The following MDC1 variants were observed in gnomAD, a reference collection of about 807,000 sequenced individuals.
MDC1 encodes mediator of DNA damage checkpoint 1.
A neutral mutation model predicts 142.5 loss-of-function variants in MDC1; 81 were observed. That is an observed-to-expected ratio of 0.57 (90% CI 0.47 to 0.68). The LOEUF is 0.68. MDC1 is among the 30% of genes least tolerant of loss of function. The probability of loss-of-function intolerance (pLI) is 0.00; values close to 1 mark genes in which losing one functional copy is unlikely to be tolerated. For synonymous variants in MDC1, 797 were observed against 968.4 expected (o/e 0.82, Z 3.29); for missense variants, 2,119 against 2,547.9 (o/e 0.83, Z 3.62).
chr6:30,700,902 CAAAAAAAA>C (rs9281018), intron 14 of MDC1, among the ~76,000 whole-genome samples: 7 of 70,558 alleles, frequency 9.9e-5, no homozygotes, highest in African/African-American at 1.2e-4. Context: ...ACTAAAAATA[CAAAAAAAA>C]AAAAAAAAAA....
chr6:30,713,431 G>A lies in MDC1; in HGVS notation c.588-77C>T. 1.4e-6 allele frequency: 2 copies of A among 1,432,976 alleles called. No individual in the cohort carries two copies. The highest frequency in any genetic ancestry group is 1.9e-6 in the Non-Finnish European group (2 of 1,071,464). 88.8% of individuals were successfully genotyped at this position (1,432,976 alleles called of 1,614,324 possible). On this transcript the variant is annotated intron_variant, in intron 4 of 14. Transcript: ENST00000376406. The surrounding 1 kb of genome is among the most constrained non-coding windows in gnomAD (Gnocchi z 4.9). Reference sequence around the variant, plus strand: ...ACCCCAACTCAACTGTGAGCTCCTTGAGGGGAGACACAAGGTAGCATATTT... The same window carrying A: ...ACCCCAACTCAACTGTGAGCTCCTTAAGGGGAGACACAAGGTAGCATATTT...
intron 7 of MDC1, among the ~76,000 whole-genome samples, chr6:30,711,178 C>T (rs1243135347): frequency 1.3e-5 from 2 of 152,150 alleles, no homozygotes; most frequent in African/African-American, 4.8e-5. Flanking sequence ...AGTTTGTGAC[C>T]AGCCTGGCCA....
Position 30,700,599 on chromosome 6 carries a change from A to C in MDC1, c.6136T>G (p.Phe2046Val). ...CGTAGTGGAATGGAGCAATGAGGGA[A>C]GTCCTGAGGGCATGTGATCACAACT... ...QRVVITCPQD[F>V]PHCSIPLRVG... The change falls in exon 15 of 15, where the codon TTC becomes GTC. Residue 2046 changes from phenylalanine to valine, a missense_variant. Coordinates refer to ENST00000376406, the MANE Select transcript of MDC1 (RefSeq NM_014641.3). 6.2e-7 allele frequency: 1 copy of C among 1,613,008 alleles called. No homozygotes were observed. Among genetic ancestry groups the C allele is most frequent in the South Asian group, 1.1e-5 (1 of 91,082 alleles).
At position 30,715,618 on chromosome 6, in the gene MDC1, C is replaced by G. The variant is rs1775552384; in HGVS notation, c.-3-440G>C. 1.3e-5 allele frequency among the ~76,000 whole-genome samples: 2 copies of G among 152,164 alleles called. No homozygotes were observed. The highest frequency in any genetic ancestry group is 2.4e-5 in the African/African-American group (1 of 41,440). ...CCTCCCAAAGTGCTGGGATTACAGG[C>G]GTGAGCCACTGCGCCCCGTTGTTTT... On this transcript the variant is annotated intron_variant, in intron 1 of 14. Transcript: ENST00000376406. This position sits in a 1 kb window ranked among gnomAD's most constrained non-coding sequence, Gnocchi z 4.1.
In MDC1 at chr6:30,712,422, C is replaced by T; in HGVS notation, c.1520G>A (p.Gly507Glu). 1 of 1,613,002 alleles carries T rather than the reference C, an allele frequency of 6.2e-7. No individual in the cohort carries two copies. The highest frequency in any genetic ancestry group is 8.5e-7 in the Non-Finnish European group (1 of 1,179,990). The change falls in exon 5 of 15, where the codon GGG becomes GAG. Residue 507 changes from glycine to glutamate, a missense_variant. Coordinates refer to ENST00000376406, the MANE Select transcript of MDC1 (RefSeq NM_014641.3). The surrounding 1 kb of genome is among the most constrained non-coding windows in gnomAD (Gnocchi z 4.7). The stretch of plus-strand genomic sequence containing the variant: ...GGCTTGGCTTCTCTCCAGGTGGATC[C>T]CAGGTGAGCTCTTATCTGCTTCCAC... ...DSVEADKSSP[G>E]IHLERSQAST...
rs767500271 is a variant in MDC1 at position 30,700,432 on chromosome 6, C to T, written c.*33G>A. On this transcript the variant is annotated 3_prime_UTR_variant, in exon 15 of 15. Coordinates refer to ENST00000376406, the MANE Select transcript of MDC1 (RefSeq NM_014641.3). Reference sequence around the variant, plus strand: ...TCTTTCTTCCACATATCTTCTAATTCGTGGTCTGGGAGGGAAAAGGGTAGT... The same window carrying T: ...TCTTTCTTCCACATATCTTCTAATTTGTGGTCTGGGAGGGAAAAGGGTAGT... 20 of 1,587,926 alleles carry T rather than the reference C, an allele frequency of 1.3e-5. No individual in the cohort carries two copies. Among genetic ancestry groups the T allele is most frequent in the East Asian group, 2.3e-5 (1 of 44,414 alleles).
At chr6:30,714,235 T>C (rs767565911) in intron 2 of MDC1, 52 bp from the exon 3 acceptor site, 1 of 1,537,340 alleles carries the variant, frequency 6.5e-7, no homozygotes, top group Admixed American at 2.0e-5. Flanking sequence ...TGGCCTGTCA[T>C]TAGGAAAAAG....
intron 9 of MDC1, 37 bp downstream of exon 9, chr6:30,707,346 TG>T: frequency 6.3e-7 from 1 of 1,583,768 alleles, no homozygotes; most frequent in Non-Finnish European, 8.7e-7. Context: ...GATATAGAGA[TG>T]ACTTGTGGAA....
Position 30,714,192 on chromosome 6 carries a change from TAG to T in MDC1, c.137-11_137-10del, listed in dbSNP as rs1416517483. 6.3e-7 allele frequency: 1 copy of T among 1,599,084 alleles called. No individual in the cohort carries two copies. Among genetic ancestry groups the T allele is most frequent in the Non-Finnish European group, 8.5e-7 (1 of 1,176,792 alleles). ...GAGGTGTAGTGGGAAATCTAAGAATTAGAGAGGTAGATAAGCTCCAAGATCAG... is the reference window on the plus strand; with the variant it reads ...GAGGTGTAGTGGGAAATCTAAGAATTAGAGGTAGATAAGCTCCAAGATCAG... On this transcript the variant is annotated splice_polypyrimidine_tract_variant and intron_variant, in intron 2 of 14. Coordinates refer to ENST00000376406, the MANE Select transcript of MDC1 (RefSeq NM_014641.3).
At chr6:30,706,848 C>T (rs9295908) in intron 9 of MDC1, among the ~76,000 whole-genome samples, 7,344 of 151,566 alleles carry the variant, frequency 0.048, 347 homozygotes, top group African/African-American at 0.12. Context: ...GCCTGTAGTC[C>T]CAGCTACTTG....
intron 2 of MDC1, among the ~76,000 whole-genome samples, chr6:30,714,407 A>C (rs1775368203): frequency 6.6e-6 from 1 of 152,200 alleles, no homozygotes. Flanking sequence ...AAAATGTATC[A>C]CCTTAATAAT....
rs1439800534 is a variant in MDC1, at chr6:30,703,425, G to A, written c.5675C>T (p.Ala1892Val). 1.2e-6 allele frequency: 2 copies of A among 1,613,854 alleles called. No homozygotes were observed. The highest frequency in any genetic ancestry group is 4.5e-5 in the East Asian group (2 of 44,886). ...RRTKLNQEST[A>V]PKVLFTGVVD... ...CATGCCTTTGTCTCTTACTTTGGGG[G>A]CTGTTGATTCTTGGTTAAGTTTGGT... The change falls in exon 11 of 15, where the codon GCC becomes GTC. Residue 1892 changes from alanine to valine, a missense_variant. Coordinates refer to ENST00000376406, the MANE Select transcript of MDC1 (RefSeq NM_014641.3). This position sits in a 1 kb window ranked among gnomAD's most constrained non-coding sequence, Gnocchi z 4.4.
rs1325271337 is a variant in MDC1 at position 30,714,136 on chromosome 6, A to G, written c.184T>C (p.Cys62Arg). ...GATGGAAAGGGCAGGGCCACAGAGCAGTCAGGCATTCGGCCTACCACATTC... is the reference window on the plus strand; with the variant it reads ...GATGGAAAGGGCAGGGCCACAGAGCGGTCAGGCATTCGGCCTACCACATTC... ...GKNVVGRMPD[C>R]SVALPFPSIS... The change falls in exon 3 of 15, where the codon TGC (cysteine) becomes CGC (arginine). Residue 62 changes from cysteine to arginine, a missense_variant. Transcript: ENST00000376406. 1 of 1,612,016 alleles carries G rather than the reference A, an allele frequency of 6.2e-7. No homozygotes were observed. The highest frequency in any genetic ancestry group is 1.1e-5 in the South Asian group (1 of 91,074).
At chr6:30,714,837 C>A (rs1165269009) in intron 2 of MDC1, among the ~76,000 whole-genome samples, 1 of 152,032 alleles carries the variant, frequency 6.6e-6, no homozygotes, top group East Asian at 1.9e-4. Flanking sequence ...TCTTAATTTT[C>A]TTTTATCAAA....
chr6:30,715,505 A>G lies in MDC1; in HGVS notation c.-3-327T>C, dbSNP rs968419920. Among the ~76,000 whole-genome samples the G allele has an allele frequency of 6.6e-6, 1 of 152,036 alleles. No homozygotes were observed. The highest frequency in any genetic ancestry group is 2.4e-5 in the African/African-American group (1 of 41,390). ...AGGCACCTGCCACCATGCCTGGCTA[A>G]TTTTTGTATTTTTAGAAGAGATGGG... On this transcript the variant is annotated intron_variant, in intron 1 of 14. Transcript: ENST00000376406. This position sits in a 1 kb window ranked among gnomAD's most constrained non-coding sequence, Gnocchi z 4.1.
At position 30,712,806 on chromosome 6, in the gene MDC1, T is replaced by C. The variant is rs776650166; in HGVS notation, c.1136A>G (p.Asp379Gly). The C allele has an allele frequency of 1.2e-6, 2 of 1,612,988 alleles. No homozygotes were observed. Among genetic ancestry groups the C allele is most frequent in the Admixed American group, 1.7e-5 (1 of 60,018 alleles). ...CTGTGGGGCCTTGCCTTCTTCCACA[T>C]CTGTATCACTACCAGCCTGGCTCTC... ...LQESQAGSDTDVEEGKAPQAV... is the reference protein window; with the variant it reads ...LQESQAGSDTGVEEGKAPQAV... Residue 379 changes from aspartate to glycine, a missense_variant, in exon 5 of 15, where the codon GAT becomes GGT. Coordinates refer to ENST00000376406, the MANE Select transcript of MDC1 (RefSeq NM_014641.3). This position sits in a 1 kb window ranked among gnomAD's most constrained non-coding sequence, Gnocchi z 4.7.
rs374771979 is a variant in MDC1 at position 30,715,201 on chromosome 6, A to T, written c.-3-23T>A. 1.9e-6 allele frequency: 3 copies of T among 1,613,696 alleles called. No individual in the cohort carries two copies. In the African/African-American group the frequency reaches 4.0e-5, roughly 22 times the overall value. Reference sequence around the variant, plus strand: ...GATCTGGGAAGGATACACATTATCAATTATCCTCATTATTGGTTCACACAA... The same window carrying T: ...GATCTGGGAAGGATACACATTATCATTTATCCTCATTATTGGTTCACACAA... On this transcript the variant is annotated intron_variant, in intron 1 of 14. Coordinates refer to ENST00000376406, the MANE Select transcript of MDC1 (RefSeq NM_014641.3). The surrounding 1 kb of genome is among the most constrained non-coding windows in gnomAD (Gnocchi z 4.1).
Position 30,705,044 on chromosome 6 carries a change from T to C in MDC1, c.4139A>G (p.Glu1380Gly), listed in dbSNP as rs760413060. The C allele has an allele frequency of 4.3e-6, 7 of 1,612,028 alleles. No individual in the cohort carries two copies. Among genetic ancestry groups the C allele is most frequent in the Non-Finnish European group, 5.9e-6 (7 of 1,179,436 alleles). ...TGTGGGCTCAGGGGTGACAGGCTGC[T>C]CTGTGGAGGTGGAAGGTGGGAGCTC... is the stretch of plus-strand genomic sequence containing the variant. ...APELPPSTST[E>G]QPVTPEPTSR... The change falls in exon 10 of 15, where the codon GAG becomes GGG. Residue 1380 changes from glutamate to glycine, a missense_variant. Coordinates refer to ENST00000376406, the MANE Select transcript of MDC1 (RefSeq NM_014641.3).
chr6:30,703,327 C>G lies in MDC1; in HGVS notation c.5683-41G>C. ...CCTGAGGTGGTTACGGCAACCCATGCCATCAGCACCCATCTCTACAATCCT... is the reference window on the plus strand; with the variant it reads ...CCTGAGGTGGTTACGGCAACCCATGGCATCAGCACCCATCTCTACAATCCT... On this transcript the variant is annotated intron_variant, in intron 11 of 14. Transcript: ENST00000376406. This position sits in a 1 kb window ranked among gnomAD's most constrained non-coding sequence, Gnocchi z 4.4. 1 of 1,608,366 alleles carries G rather than the reference C, an allele frequency of 6.2e-7. No homozygotes were observed. The highest frequency in any genetic ancestry group is 1.3e-5 in the African/African-American group (1 of 74,980).
Sources: allele counts gnomAD v4.1 joint callset (sites outside exome capture counted in the v4.1 genomes callset), GRCh38; gene constraint gnomAD v4.1.1; non-coding constraint Gnocchi (gnomAD v3.1); transcripts MANE v1.5; gene names NCBI Gene and HGNC (gene_info 2026-07-23, HGNC 2026-07-21).